LRFN2: variants seen among roughly 807,000 people sequenced by gnomAD.
LRFN2 encodes the protein leucine-rich repeat and fibronectin type-III domain-containing protein 2.
A neutral mutation model predicts 37.3 loss-of-function variants in LRFN2; 18 were observed. The ratio of observed to expected loss-of-function variants is 0.48; its 90% CI spans 0.33 to 0.72. The LOEUF (loss-of-function observed/expected upper bound fraction) is 0.72, where lower values mean the gene tolerates loss of function less well. Ranked by LOEUF, LRFN2 falls within the 30% of genes least tolerant of loss-of-function variation. The probability of loss-of-function intolerance (pLI) is 0.02; values close to 1 mark genes in which losing one functional copy is unlikely to be tolerated. For missense variants in LRFN2, 1,006 were observed against 1,060.7 expected (o/e 0.95, Z 0.72); for synonymous variants, 556 against 466.6 (o/e 1.19, Z -2.47).
chr6:40,571,327 C>G (rs1767183017), intron 1 of LRFN2, among the ~76,000 whole-genome samples: 1 of 152,146 alleles, frequency 6.6e-6, no homozygotes, highest in Non-Finnish European at 1.5e-5. Context: ...TGAAGAATTT[C>G]TTCTTTCTCC....
chr6:40,490,490 G>A (rs1050289465), intron 1 of LRFN2, among the ~76,000 whole-genome samples: 3 of 152,170 alleles, frequency 2.0e-5, no homozygotes, highest in African/African-American at 7.2e-5. Context: ...CTATCCTGCA[G>A]AAGGACCCCC....
At chr6:40,546,749 T>C (rs1049466774) in intron 1 of LRFN2, among the ~76,000 whole-genome samples, 3 of 152,236 alleles carry the variant, frequency 2.0e-5, no homozygotes, top group Non-Finnish European at 4.4e-5. Context: ...CACTACCCTA[T>C]GTGGCAGGAA....
At chr6:40,536,018 T>G (rs1766442351) in intron 1 of LRFN2, among the ~76,000 whole-genome samples, 1 of 151,028 alleles carries the variant, frequency 6.6e-6, no homozygotes, top group African/African-American at 2.4e-5. Flanking sequence ...CAGTATGGAG[T>G]CAGGTGGGGA....
chr6:40,517,090 G>C (rs985033688), intron 1 of LRFN2, among the ~76,000 whole-genome samples: 3 of 152,048 alleles, frequency 2.0e-5, no homozygotes, highest in Non-Finnish European at 4.4e-5. Context: ...GTGGCAAAAG[G>C]ACTAGATCAC....
chr6:40,550,325 A>G (rs425631), intron 1 of LRFN2, among the ~76,000 whole-genome samples: 3 of 152,134 alleles, frequency 2.0e-5, no homozygotes, highest in Non-Finnish European at 4.4e-5. Context: ...TTATTGGCAC[A>G]TGATATTGAC....
intron 1 of LRFN2, among the ~76,000 whole-genome samples, chr6:40,482,620 G>A (rs1438163702): frequency 6.6e-6 from 1 of 152,106 alleles, no homozygotes; most frequent in Non-Finnish European, 1.5e-5. Flanking sequence ...GTCTGTGGTT[G>A]CCATGGCAAC....
intron 1 of LRFN2, among the ~76,000 whole-genome samples, chr6:40,509,012 C>T (rs1765619578): frequency 6.6e-6 from 1 of 152,214 alleles, no homozygotes; most frequent in Admixed American, 6.5e-5. Flanking sequence ...ACCAGTGGGG[C>T]CTATCCTCCT....
intron 1 of LRFN2, among the ~76,000 whole-genome samples, chr6:40,494,856 T>C (rs1309244100): frequency 6.6e-6 from 1 of 152,218 alleles, no homozygotes; most frequent in African/African-American, 2.4e-5. Context: ...GAAACAGTGT[T>C]CTTATTTTCT....
rs571470731 is a variant in LRFN2, at chr6:40,464,652, C to A, written c.-18-31521G>T. On this transcript the variant is annotated intron_variant, in intron 1 of 2. Transcript: ENST00000338305. Reference sequence around the variant, plus strand: ...TGTTGGGTGTCTCACTCACACCCCTCAATGTCCACCATTCCCATGCATTCT... The same window carrying A: ...TGTTGGGTGTCTCACTCACACCCCTAAATGTCCACCATTCCCATGCATTCT... Among the ~76,000 whole-genome samples, 4 of 152,370 alleles carry A rather than the reference C, an allele frequency of 2.6e-5. No homozygotes were observed. The East Asian group carries it at 7.7e-4, about 29-fold the overall frequency.
At chr6:40,516,753 G>A (rs999236562) in intron 1 of LRFN2, among the ~76,000 whole-genome samples, 3 of 152,098 alleles carry the variant, frequency 2.0e-5, no homozygotes, top group African/African-American at 4.8e-5. Flanking sequence ...AGATCATGGG[G>A]TGGCCAGGAG....
intron 1 of LRFN2, among the ~76,000 whole-genome samples, chr6:40,480,044 A>T (rs946934800): frequency 2.0e-5 from 3 of 152,220 alleles, no homozygotes; most frequent in African/African-American, 4.8e-5. Context: ...ATGGCCTAGT[A>T]GGAAGGATAA....
chr6:40,538,510 G>A (rs963884346), intron 1 of LRFN2, among the ~76,000 whole-genome samples: 1 of 152,226 alleles, frequency 6.6e-6, no homozygotes, highest in Non-Finnish European at 1.5e-5. Flanking sequence ...TCGCATCCAA[G>A]GCCCTCTTTC....
intron 1 of LRFN2, among the ~76,000 whole-genome samples, chr6:40,521,248 A>G (rs985737091): frequency 1.7e-4 from 26 of 152,180 alleles, no homozygotes; most frequent in Non-Finnish European, 5.9e-5. Flanking sequence ...GCCAGCAGCA[A>G]GGCACTCTTG....
At position 40,532,846 on chromosome 6, in the gene LRFN2, G is replaced by A. The variant is rs543433826; in HGVS notation, c.-19+54095C>T. 2.8e-4 allele frequency among the ~76,000 whole-genome samples: 43 copies of A among 152,318 alleles called. No individual in the cohort carries two copies. The East Asian group carries it at 7.9e-3, about 28-fold the overall frequency. On this transcript the variant is annotated intron_variant, in intron 1 of 2. Coordinates refer to ENST00000338305, the MANE Select transcript of LRFN2 (RefSeq NM_020737.3). ...TTTGTACCTTGAGCCCCCAGCAGGT[G>A]GGTACTGAACACAATACAATGATAA...
At chr6:40,460,550 T>C (rs1764325721) in intron 1 of LRFN2, among the ~76,000 whole-genome samples, 1 of 152,230 alleles carries the variant, frequency 6.6e-6, no homozygotes. Context: ...TGCTGCCTGC[T>C]GTAGAAATGC....
intron 1 of LRFN2, among the ~76,000 whole-genome samples, chr6:40,519,304 T>C (rs1265386876): frequency 6.6e-6 from 1 of 152,222 alleles, no homozygotes; most frequent in Non-Finnish European, 1.5e-5. Flanking sequence ...GACTGGTCTA[T>C]ATTGATAAGC....
chr6:40,463,576 C>T (rs559893618), intron 1 of LRFN2, among the ~76,000 whole-genome samples: 6 of 152,234 alleles, frequency 3.9e-5, no homozygotes, highest in Admixed American at 6.5e-5. Flanking sequence ...AATCTCTACC[C>T]TTCTCTGCCC....
At chr6:40,577,772 A>AT (rs1767320563) in intron 1 of LRFN2, among the ~76,000 whole-genome samples, 1 of 103,432 alleles carries the variant, frequency 9.7e-6, no homozygotes, top group Non-Finnish European at 2.0e-5. Context: ...TTAAAGTATA[A>AT]TAAAAAAAAA....
intron 1 of LRFN2, among the ~76,000 whole-genome samples, chr6:40,532,261 T>C (rs1326378300): frequency 6.6e-6 from 1 of 152,228 alleles, no homozygotes; most frequent in Non-Finnish European, 1.5e-5. Context: ...GGGGTCATCA[T>C]ATCCCAGAGA....
Sources: allele counts gnomAD v4.1 joint callset (sites outside exome capture counted in the v4.1 genomes callset), GRCh38; gene constraint gnomAD v4.1.1; transcripts MANE v1.5; gene names NCBI Gene and HGNC (gene_info 2026-07-23, HGNC 2026-07-21).